TPCN1: variants seen among roughly 807,000 people sequenced by gnomAD.
TPCN1 encodes the protein two pore segment channel 1.
A neutral mutation model predicts 108.8 loss-of-function variants in TPCN1; 52 were observed. The ratio of observed to expected loss-of-function variants is 0.48; its 90% confidence interval spans 0.38 to 0.60. The LOEUF is 0.60. TPCN1 is among the 20% of genes least tolerant of loss of function. The pLI is 0.00. For synonymous variants in TPCN1, 446 were observed against 433.7 expected (o/e 1.03, Z -0.35); for missense variants, 806 against 1,072.8 (o/e 0.75, Z 3.47).
chr12:113,285,789 C>T, intron 17 of TPCN1, 100 bp from the exon 18 acceptor site: 1 of 1,043,682 alleles, frequency 9.6e-7, no homozygotes, highest in Non-Finnish European at 1.5e-6. Context: ...GGCTTATGGC[C>T]AGCAGGGAGG....
Position 113,288,205 on chromosome 12 carries a change from C to T in TPCN1, c.1677C>T (p.Thr559=), listed in dbSNP as rs1019065627. 11 of 1,613,968 alleles carry T rather than the reference C, an allele frequency of 6.8e-6. No individual in the cohort carries two copies. The highest frequency in any genetic ancestry group is 9.3e-6 in the Non-Finnish European group (11 of 1,179,960). The change falls in exon 20 of 28, where the codon ACC becomes ACT. Residue 559 remains threonine, a synonymous_variant. Coordinates refer to ENST00000335509, the MANE Select transcript of TPCN1 (RefSeq NM_017901.6). This position sits in a 1 kb window ranked among gnomAD's most constrained non-coding sequence, Gnocchi z 4.8. ...AGCGCTACCGCAACGTGCTGGACAC[C>T]ATGTTCGAGCTGCTGCCCCGGATGG... ...LKERYRNVLD[T]MFELLPRMAS... is the part of the protein sequence containing the mutation.
intron 2 of TPCN1, among the ~76,000 whole-genome samples, chr12:113,230,724 G>T (rs962448578): frequency 1.3e-5 from 2 of 152,182 alleles, no homozygotes; most frequent in African/African-American, 4.8e-5. Flanking sequence ...CTGAAGCGCT[G>T]GGATTACAGG....
chr12:113,272,843 C>A lies in TPCN1; in HGVS notation c.783+151C>A. 1.2e-6 allele frequency: 1 copy of A among 809,888 alleles called. No individual in the cohort carries two copies. 50.2% of individuals were successfully genotyped at this position (809,888 alleles called of 1,614,324 possible). On this transcript the variant is annotated intron_variant, in intron 8 of 27. Coordinates refer to ENST00000335509, the MANE Select transcript of TPCN1 (RefSeq NM_017901.6). The surrounding 1 kb of genome is among the most constrained non-coding windows in gnomAD (Gnocchi z 4.1). ...GTGTGTGCATTGCACCTGGGAGTTC[C>A]CATCACTCAGACTTGACCACTTTCT...
chr12:113,290,794 G>A (rs566122804), intron 22 of TPCN1, among the ~76,000 whole-genome samples, 158 bp from the exon 23 acceptor site: 67 of 152,312 alleles, frequency 4.4e-4, no homozygotes, highest in Non-Finnish European at 3.5e-4. Context: ...CCCTAGGAGT[G>A]CCTTGCCTGG....
At chr12:113,294,742 T>C (rs920059783) in intron 27 of TPCN1, among the ~76,000 whole-genome samples, 3 of 152,152 alleles carry the variant, frequency 2.0e-5, no homozygotes, top group African/African-American at 7.2e-5. Context: ...GGCTGGCATT[T>C]GGCACGGTGC....
chr12:113,262,408 TAAAA>T (rs556927143), intron 3 of TPCN1, among the ~76,000 whole-genome samples: 1 of 102,780 alleles, frequency 9.7e-6, no homozygotes, highest in Admixed American at 1.1e-4. Context: ...AGACCCTGTC[TAAAA>T]AAAAAAAAAA....
intron 2 of TPCN1, among the ~76,000 whole-genome samples, chr12:113,257,484 G>T (rs1315742508): frequency 2.1e-5 from 3 of 144,810 alleles, no homozygotes; most frequent in Non-Finnish European, 4.5e-5. Flanking sequence ...GAGTGAGACC[G>T]TCTCAAAAAA....
chr12:113,251,550 C>T (rs374612709), intron 2 of TPCN1, among the ~76,000 whole-genome samples: 5 of 152,232 alleles, frequency 3.3e-5, no homozygotes, highest in African/African-American at 9.6e-5. Flanking sequence ...GGCCACGGGG[C>T]GCATGTTTTG....
chr12:113,223,247 C>T (rs1452661281), intron 1 of TPCN1, among the ~76,000 whole-genome samples: 4 of 152,190 alleles, frequency 2.6e-5, no homozygotes, highest in African/African-American at 9.7e-5. Flanking sequence ...AAACGTTGTA[C>T]TGTTCCCTGT....
rs540774150 is a variant in TPCN1 at position 113,277,314 on chromosome 12, G to A, written c.1134G>A (p.Glu378=). Residue 378 remains glutamate (E), a synonymous_variant, in exon 12 of 28, where the codon GAG becomes GAA. Coordinates refer to ENST00000335509, the MANE Select transcript of TPCN1 (RefSeq NM_017901.6). ...ACAAGCCCCGGATGAGTGCCAGGGA[G>A]CGCTATCTTACCTTCAAGGCCCTGA... ...RFYKPRMSAR[E]RYLTFKALNQ... is the part of the protein sequence containing the mutation. 6 of 1,614,198 alleles carry A rather than the reference G, an allele frequency of 3.7e-6. No homozygotes were observed. In the African/African-American group the frequency reaches 5.3e-5, roughly 14 times the overall value.
intron 2 of TPCN1, among the ~76,000 whole-genome samples, chr12:113,246,560 T>G (rs1432568900): frequency 6.6e-6 from 1 of 152,126 alleles, no homozygotes; most frequent in Non-Finnish European, 1.5e-5. Context: ...CTGCTGCTCA[T>G]CTCCCTCCCT....
rs1012280708 is a variant in TPCN1, at chr12:113,266,488, T to C, written c.414+132T>C. 5.6e-6 allele frequency: 7 copies of C among 1,243,306 alleles called. No homozygotes were observed. The highest frequency in any genetic ancestry group is 7.9e-6 in the Non-Finnish European group (7 of 891,488). The allele number at this position is 1,243,306 out of a possible 1,614,324, so 77.0% of individuals were successfully genotyped here. On this transcript the variant is annotated intron_variant, in intron 4 of 27. Coordinates refer to ENST00000335509, the MANE Select transcript of TPCN1 (RefSeq NM_017901.6). The surrounding 1 kb of genome is among the most constrained non-coding windows in gnomAD (Gnocchi z 4.2). The stretch of plus-strand genomic sequence containing the variant: ...CTTAAAACAGAGAGATACGAGGTGG[T>C]CATAGAGGCCTTGGGAGCGGAAATG...
chr12:113,268,795 G>A lies in TPCN1; in HGVS notation c.582G>A (p.Gln194=). 1 of 1,614,176 alleles carries A rather than the reference G, an allele frequency of 6.2e-7. No individual in the cohort carries two copies. The change falls in exon 6 of 28, where the codon CAG becomes CAA. Residue 194 remains glutamine, a synonymous_variant. Transcript: ENST00000335509. The surrounding 1 kb of genome is among the most constrained non-coding windows in gnomAD (Gnocchi z 7.3). ...AGGCCATCGTGGTGTTGGTACGGCA[G>A]ATGTCCCATGTGCGGGTGACCCGAG... The part of the protein sequence containing the change: ...FVEAIVVLVR[Q]MSHVRVTRAL...
In TPCN1 at chr12:113,268,728, C is replaced by T. The variant is rs1447538894; in HGVS notation, c.529-14C>T. 6.2e-7 allele frequency: 1 copy of T among 1,612,620 alleles called. No homozygotes were observed. Among genetic ancestry groups the T allele is most frequent in the South Asian group, 1.1e-5 (1 of 90,992 alleles). ...CTGCAGGGGCTGACGGTGCTCCATG[C>T]CTGCCACCCACAGACCTCGGTGCTG... On this transcript the variant is annotated splice_polypyrimidine_tract_variant and intron_variant, in intron 5 of 27. Transcript: ENST00000335509. The surrounding 1 kb of genome is among the most constrained non-coding windows in gnomAD (Gnocchi z 7.3).
chr12:113,296,231 A>C lies in TPCN1; in HGVS notation c.*155A>C. The stretch of plus-strand genomic sequence containing the variant: ...CAGACAAGATGGGGCTTGGTTTATA[A>C]CCACCTTGCCCTGTCTTCCTTAACT... On this transcript the variant is annotated 3_prime_UTR_variant, in exon 28 of 28. Coordinates refer to ENST00000335509, the MANE Select transcript of TPCN1 (RefSeq NM_017901.6). The C allele has an allele frequency of 2.4e-6, 3 of 1,229,416 alleles. No individual in the cohort carries two copies. The highest frequency in any genetic ancestry group is 3.3e-6 in the Non-Finnish European group (3 of 912,718). The allele number at this position is 1,229,416 out of a possible 1,614,324, so 76.2% of individuals were successfully genotyped here.
intron 2 of TPCN1, among the ~76,000 whole-genome samples, chr12:113,258,363 G>A (rs1004741426): frequency 6.6e-6 from 1 of 152,172 alleles, no homozygotes; most frequent in African/African-American, 2.4e-5. Context: ...CTGCTCGGGA[G>A]GCTGAGGTGG....
chr12:113,236,364 G>T (rs1953894707), intron 2 of TPCN1, among the ~76,000 whole-genome samples: 5 of 152,224 alleles, frequency 3.3e-5, no homozygotes, highest in Admixed American at 3.3e-4. Flanking sequence ...ATTTGAGTTT[G>T]TAGCCCCTGG....
chr12:113,262,480 C>T (rs1418838949), intron 3 of TPCN1, among the ~76,000 whole-genome samples: 3 of 151,634 alleles, frequency 2.0e-5, no homozygotes, highest in African/African-American at 7.3e-5. Flanking sequence ...ATCTGTTTCT[C>T]ATATGTTCAT....
rs117113696 is a variant in TPCN1 at position 113,272,252 on chromosome 12, C to T, written c.749-406C>T. ...CTGGGACCCTGGCTGCAGGGAGCAG[C>T]GGATCCCTTTGGAATTTAGTCAGCT... On this transcript the variant is annotated intron_variant, in intron 7 of 27. Coordinates refer to ENST00000335509, the MANE Select transcript of TPCN1 (RefSeq NM_017901.6). The surrounding 1 kb of genome is among the most constrained non-coding windows in gnomAD (Gnocchi z 4.1). Among the ~76,000 whole-genome samples the T allele has an allele frequency of 8.5e-3, 1,289 of 152,292 alleles. 26 individuals are homozygous for T. The highest frequency in any genetic ancestry group is 0.056 in the East Asian group (291 of 5,186).
Sources: gnomAD v4.1 joint callset for allele counts (sites outside exome capture counted in the v4.1 genomes callset) on GRCh38, gnomAD v4.1.1 for gene constraint, Gnocchi (gnomAD v3.1) non-coding constraint, MANE v1.5 for transcripts, NCBI Gene and HGNC (gene_info 2026-07-23, HGNC 2026-07-21) for gene names.